Variants in MACROD2 observed in about 807,000 individuals in gnomAD.
MACROD2 encodes the protein ADP-ribose glycohydrolase MACROD2.
MACROD2 carries 36 observed loss-of-function variants against 70.4 expected under a neutral mutation model. The ratio of observed to expected loss-of-function variants is 0.51; its 90% confidence interval spans 0.39 to 0.68. The LOEUF (loss-of-function observed/expected upper bound fraction) is 0.68. MACROD2 is among the 30% of genes least tolerant of loss of function. The pLI, the probability that MACROD2 is intolerant of heterozygous loss-of-function variation, is 0.00. For missense variants in MACROD2, 496 were observed against 538.4 expected (o/e 0.92, Z 0.78); for synonymous variants, 172 against 178.8 (o/e 0.96, Z 0.30).
rs184399599 is a variant in MACROD2 at position 15,578,818 on chromosome 20, T to C, written c.645+78971T>C. Among the ~76,000 whole-genome samples, 49 of 152,310 alleles carry C rather than the reference T, an allele frequency of 3.2e-4. No individual in the cohort carries two copies. The East Asian group carries it at 8.7e-3, about 27-fold the overall frequency. ...GGTACTTTATGTTTCAGTGAAAAGC[T>C]AAAACTGAAAAAATATAAAACAAAC... On this transcript the variant is annotated intron_variant, in intron 8 of 17. Transcript: ENST00000684519.
chr20:15,925,293 A>C (rs2065472190), intron 10 of MACROD2, among the ~76,000 whole-genome samples: 1 of 152,186 alleles, frequency 6.6e-6, no homozygotes, highest in Admixed American at 6.5e-5. Flanking sequence ...ATTTCTTATT[A>C]TTGTCATTCC....
chr20:14,788,600 A>G (rs1436963637), intron 5 of MACROD2, among the ~76,000 whole-genome samples: 1 of 138,744 alleles, frequency 7.2e-6, no homozygotes, highest in Non-Finnish European at 1.6e-5. Context: ...AAAAAAAAAA[A>G]GACTTTTAGG....
At chr20:15,059,655 G>A (rs1333848197) in intron 5 of MACROD2, among the ~76,000 whole-genome samples, 1 of 152,066 alleles carries the variant, frequency 6.6e-6, no homozygotes, top group Non-Finnish European at 1.5e-5. Flanking sequence ...ATTCCAATCA[G>A]TTTGACTCAT....
chr20:14,572,625 G>A (rs1380750771), intron 4 of MACROD2, among the ~76,000 whole-genome samples: 2 of 152,046 alleles, frequency 1.3e-5, no homozygotes, highest in East Asian at 3.8e-4. Flanking sequence ...ATGTTAAAAA[G>A]TATATTCTTT....
At chr20:15,131,611 C>T (rs1441681693) in intron 5 of MACROD2, among the ~76,000 whole-genome samples, 1 of 151,916 alleles carries the variant, frequency 6.6e-6, no homozygotes, top group Non-Finnish European at 1.5e-5. Context: ...TGACAACATA[C>T]AAAATTATTA....
intron 2 of MACROD2, among the ~76,000 whole-genome samples, chr20:14,076,352 G>A (rs1395696014): frequency 2.0e-5 from 3 of 151,948 alleles, no homozygotes; most frequent in Non-Finnish European, 4.4e-5. Context: ...ACCCAAATGT[G>A]TTTTAAAGTT....
intron 4 of MACROD2, among the ~76,000 whole-genome samples, chr20:14,640,679 CA>C (rs1985039826): frequency 6.6e-6 from 1 of 152,104 alleles, no homozygotes; most frequent in South Asian, 2.1e-4. Context: ...GTAAGTTATG[CA>C]ATTTTTTTGG....
chr20:15,109,568 G>T (rs2075938876), intron 5 of MACROD2, among the ~76,000 whole-genome samples: 1 of 152,122 alleles, frequency 6.6e-6, no homozygotes, highest in Admixed American at 6.5e-5. Context: ...ATTTGTAGAG[G>T]CAGGTACTGT....
At chr20:15,900,797 C>CT (rs2065052309) in intron 10 of MACROD2, among the ~76,000 whole-genome samples, 1 of 152,172 alleles carries the variant, frequency 6.6e-6, no homozygotes, top group Non-Finnish European at 1.5e-5. Context: ...ATGGACAGAA[C>CT]TCTCAATTGT....
rs867352280 is a variant in MACROD2 at position 15,620,612 on chromosome 20, G to A, written c.645+120765G>A. Among the ~76,000 whole-genome samples, 11 of 152,210 alleles carry A rather than the reference G, an allele frequency of 7.2e-5. No individual in the cohort carries two copies. The South Asian group carries it at 2.3e-3, about 32-fold the overall frequency. ...TATTGTTATTAATTTGTTGAAGGTGGAAGAAGCACTTAGACTATTCATGTA... is the reference window on the plus strand; with the variant it reads ...TATTGTTATTAATTTGTTGAAGGTGAAAGAAGCACTTAGACTATTCATGTA... On this transcript the variant is annotated intron_variant, in intron 8 of 17. Coordinates refer to ENST00000684519, the MANE Select transcript of MACROD2 (RefSeq NM_001351661.2).
chr20:15,576,922 T>C (rs2048456042), intron 8 of MACROD2, among the ~76,000 whole-genome samples: 1 of 152,174 alleles, frequency 6.6e-6, no homozygotes. Flanking sequence ...CATTGTTTTA[T>C]GCATAACGGC....
intron 3 of MACROD2, among the ~76,000 whole-genome samples, chr20:14,385,603 G>A (rs2083460409): frequency 6.6e-6 from 1 of 152,116 alleles, no homozygotes; most frequent in Non-Finnish European, 1.5e-5. Context: ...GATTTTAATG[G>A]ACTTCCAAAA....
intron 8 of MACROD2, among the ~76,000 whole-genome samples, chr20:15,745,018 A>G (rs574290650): frequency 6.6e-6 from 1 of 152,140 alleles, no homozygotes; most frequent in African/African-American, 2.4e-5. Context: ...GTATTTGGGG[A>G]CTTTCCCCAG....
In MACROD2 at chr20:13,995,544, C is replaced by T. The variant is rs1032720419; in HGVS notation, c.-220C>T. On this transcript the variant is annotated 5_prime_UTR_variant, in exon 1 of 18. Coordinates refer to ENST00000684519, the MANE Select transcript of MACROD2 (RefSeq NM_001351661.2). This position sits in a 1 kb window ranked among gnomAD's most constrained non-coding sequence, Gnocchi z 4.3. ...AGGCTCTGAGGTGCTGCTGTGGCGG[C>T]GTCCGCGGGGCTGAGGCGGGTGGGA... 1.1e-5 allele frequency: 7 copies of T among 631,968 alleles called. No individual in the cohort carries two copies. Among genetic ancestry groups the T allele is most frequent in the African/African-American group, 1.8e-5 (1 of 54,902 alleles). 39.1% of individuals were successfully genotyped at this position (631,968 alleles called of 1,614,324 possible).
At chr20:15,056,029 C>T (rs570238208) in intron 5 of MACROD2, among the ~76,000 whole-genome samples, 26 of 152,146 alleles carry the variant, frequency 1.7e-4, no homozygotes, top group Middle Eastern at 3.4e-3. Flanking sequence ...TCAAGTGATC[C>T]GCCTGCCTCG....
At chr20:15,380,727 A>T (rs535773542) in intron 6 of MACROD2, among the ~76,000 whole-genome samples, 10 of 152,310 alleles carry the variant, frequency 6.6e-5, no homozygotes, top group Non-Finnish European at 1.2e-4. Context: ...ATTAGCAAAC[A>T]ATATAGATTA....
chr20:15,028,735 C>T (rs1353245613), intron 5 of MACROD2, among the ~76,000 whole-genome samples: 1 of 152,106 alleles, frequency 6.6e-6, no homozygotes, highest in Non-Finnish European at 1.5e-5. Context: ...GTTTAGCCAT[C>T]AGATGACTGG....
chr20:14,421,668 T>G (rs12624981), intron 3 of MACROD2, among the ~76,000 whole-genome samples: 10 of 152,262 alleles, frequency 6.6e-5, no homozygotes, highest in African/African-American at 2.4e-4. Context: ...GATCTACTGG[T>G]TAAGACTGCA....
At chr20:15,277,235 A>G (rs138317044) in intron 6 of MACROD2, among the ~76,000 whole-genome samples, 5 of 152,286 alleles carry the variant, frequency 3.3e-5, no homozygotes, top group East Asian at 3.9e-4. Flanking sequence ...TTCTTCCTAT[A>G]TGATTCATTA....
Sources: allele counts gnomAD v4.1 joint callset (sites outside exome capture counted in the v4.1 genomes callset), GRCh38; gene constraint gnomAD v4.1.1; non-coding constraint Gnocchi (gnomAD v3.1); transcripts MANE v1.5; gene names NCBI Gene and HGNC (gene_info 2026-07-23, HGNC 2026-07-21).